The following SMYD3 variants were observed in gnomAD, a reference collection of about 807,000 sequenced individuals.
SMYD3 encodes the protein SET and MYND domain containing 3.
In SMYD3, 36 loss-of-function variants were observed where a neutral mutation model predicts 57.7. The ratio of observed to expected loss-of-function variants is 0.62; its 90% confidence interval spans 0.48 to 0.82. SMYD3 has a LOEUF of 0.82. Among genes scored for constraint, SMYD3 ranks in the 40% least tolerant of loss-of-function variants. The pLI, the probability that SMYD3 is intolerant of heterozygous loss-of-function variation, is 0.00. For missense variants in SMYD3, 515 were observed against 538.8 expected (o/e 0.96, Z 0.44); for synonymous variants, 211 against 195.0 (o/e 1.08, Z -0.68).
chr1:245,933,032 T>C (rs528102169), intron 5 of SMYD3, among the ~76,000 whole-genome samples: 4 of 152,126 alleles, frequency 2.6e-5, no homozygotes, highest in African/African-American at 9.7e-5. Context: ...ATAGCAACAG[T>C]GGATATGCAG....
intron 1 of SMYD3, among the ~76,000 whole-genome samples, chr1:246,391,153 A>G (rs2066556012): frequency 6.6e-6 from 1 of 151,600 alleles, no homozygotes; most frequent in East Asian, 1.9e-4. Flanking sequence ...TGGGAGGTCA[A>G]AGTGAGAGGA....
At chr1:246,451,405 G>A (rs1240232542) in intron 1 of SMYD3, among the ~76,000 whole-genome samples, 5 of 152,296 alleles carry the variant, frequency 3.3e-5, no homozygotes, top group East Asian at 3.9e-4. Context: ...CACACTATAC[G>A]ATTCCAACTG....
chr1:246,288,002 G>C (rs1036477309), intron 5 of SMYD3, among the ~76,000 whole-genome samples: 1 of 147,924 alleles, frequency 6.8e-6, no homozygotes, highest in Non-Finnish European at 1.5e-5. Flanking sequence ...CAGACACTTA[G>C]ATTGGTCTGG....
At chr1:246,450,721 G>A (rs970913635) in intron 1 of SMYD3, among the ~76,000 whole-genome samples, 1 of 152,164 alleles carries the variant, frequency 6.6e-6, no homozygotes, top group Non-Finnish European at 1.5e-5. Flanking sequence ...CTCAGTAAAT[G>A]CGTGATTATT....
At chr1:246,028,740 T>C (rs2059618448) in intron 5 of SMYD3, among the ~76,000 whole-genome samples, 1 of 152,172 alleles carries the variant, frequency 6.6e-6, no homozygotes, top group Admixed American at 6.5e-5. Flanking sequence ...ATCCTAAAAT[T>C]TGTATGGAAA....
At chr1:246,018,651 C>CTGGA (rs1018004036) in intron 5 of SMYD3, among the ~76,000 whole-genome samples, 8 of 152,082 alleles carry the variant, frequency 5.3e-5, no homozygotes, top group Admixed American at 1.3e-4. Context: ...GTCATTTAGG[C>CTGGA]TGGAGTACAG....
At chr1:246,471,021 GAAAT>G (rs996416922) in intron 1 of SMYD3, among the ~76,000 whole-genome samples, 64 of 151,830 alleles carry the variant, frequency 4.2e-4, no homozygotes, top group Non-Finnish European at 1.0e-4. Flanking sequence ...GTATAGAGAG[GAAAT>G]AAATAAATAT....
At chr1:246,491,431 C>T (rs10924744) in intron 1 of SMYD3, among the ~76,000 whole-genome samples, 12,935 of 151,322 alleles carry the variant, frequency 0.085, 1,773 homozygotes, top group African/African-American at 0.29. Flanking sequence ...TTCCAGCTAG[C>T]GGGGAGGCTG....
intron 1 of SMYD3, among the ~76,000 whole-genome samples, chr1:246,411,982 A>T (rs1364074532): frequency 1.3e-5 from 2 of 152,138 alleles, no homozygotes; most frequent in East Asian, 1.9e-4. Context: ...TAATAAAAAA[A>T]AAAAAAAAAA....
intron 10 of SMYD3, among the ~76,000 whole-genome samples, chr1:245,823,813 C>G (rs1012870307): frequency 2.6e-5 from 4 of 152,202 alleles, no homozygotes; most frequent in African/African-American, 7.2e-5. Flanking sequence ...TAGTACCAAA[C>G]TTGCTCCAGG....
chr1:245,864,395 T>C (rs2051713478), intron 8 of SMYD3, among the ~76,000 whole-genome samples: 1 of 152,196 alleles, frequency 6.6e-6, no homozygotes, highest in Non-Finnish European at 1.5e-5. Flanking sequence ...CAATGGAATA[T>C]GACTCCACAA....
chr1:246,198,588 T>C (rs1166581608), intron 5 of SMYD3, among the ~76,000 whole-genome samples: 1 of 152,192 alleles, frequency 6.6e-6, no homozygotes, highest in Non-Finnish European at 1.5e-5. Context: ...TGAATATTCA[T>C]ACAGCAATTG....
intron 11 of SMYD3, among the ~76,000 whole-genome samples, chr1:245,752,633 T>C (rs1173091476): frequency 6.6e-6 from 1 of 152,218 alleles, no homozygotes; most frequent in African/African-American, 2.4e-5. Flanking sequence ...TACTCCCCAC[T>C]GATCCAGTAT....
At chr1:245,919,876 A>G (rs2055735372) in intron 7 of SMYD3, among the ~76,000 whole-genome samples, 1 of 152,250 alleles carries the variant, frequency 6.6e-6, no homozygotes, top group Non-Finnish European at 1.5e-5. Flanking sequence ...TAGAAAATGC[A>G]GTAAATCATT....
chr1:246,459,918 CAAAAA>C (rs35958617), intron 1 of SMYD3, among the ~76,000 whole-genome samples: 1,113 of 88,934 alleles, frequency 0.013, 20 homozygotes, highest in African/African-American at 0.04. Context: ...TTCCGCCACC[CAAAAA>C]AAAAAAAAAA....
intron 10 of SMYD3, among the ~76,000 whole-genome samples, chr1:245,826,974 G>C (rs1259373149): frequency 1.3e-5 from 2 of 152,288 alleles, no homozygotes; most frequent in Non-Finnish European, 1.5e-5. Flanking sequence ...GATGAGATTT[G>C]GGTGGGGACA....
intron 8 of SMYD3, among the ~76,000 whole-genome samples, chr1:245,894,431 C>T (rs35961285): frequency 0.56 from 84,998 of 151,626 alleles, 27,093 homozygotes; most frequent in Non-Finnish European, 0.73. Context: ...TCCCCTTCCA[C>T]GCCGTGGAAG....
At chr1:246,267,316 C>A (rs1365226189) in intron 5 of SMYD3, among the ~76,000 whole-genome samples, 1 of 151,838 alleles carries the variant, frequency 6.6e-6, no homozygotes, top group Non-Finnish European at 1.5e-5. Context: ...GAAGTTTTAT[C>A]AATTAAGAAA....
chr1:246,101,051 T>C (rs1471699658), intron 5 of SMYD3, among the ~76,000 whole-genome samples: 1 of 148,862 alleles, frequency 6.7e-6, no homozygotes, highest in Non-Finnish European at 1.5e-5. Flanking sequence ...ACTAGTAATA[T>C]GTATTTTTAG....
Sources: gnomAD v4.1 joint callset for allele counts (sites outside exome capture counted in the v4.1 genomes callset) on GRCh38, gnomAD v4.1.1 for gene constraint, MANE v1.5 for transcripts, NCBI Gene and HGNC (gene_info 2026-07-23, HGNC 2026-07-21) for gene names.